HECW2: variants seen among roughly 807,000 people sequenced by gnomAD.
The protein encoded by HECW2 is HECT, C2 and WW domain containing E3 ubiquitin protein ligase 2, also known as E3 ubiquitin-protein ligase HECW2.
Under a neutral mutation model 175.2 loss-of-function variants are expected in HECW2, and 61 were observed. The observed-to-expected ratio is 0.35, with a 90% CI of 0.28 to 0.43. HECW2 has a LOEUF of 0.43. HECW2 is among the 20% of genes least tolerant of loss of function. HECW2 has a pLI of 1.00. For synonymous variants in HECW2, 671 were observed against 731.0 expected, an observed-to-expected ratio of 0.92 and a Z score of 1.32; for missense variants, 1,524 against 2,000.5, an observed-to-expected ratio of 0.76 and a Z score of 4.54.
At chr2:196,362,290 G>T (rs553701097) in intron 2 of HECW2, 1 of 548,944 alleles carries the variant, frequency 1.8e-6, no homozygotes, top group African/African-American at 2.1e-5. Context: ...GCTTTTCCAT[G>T]GGAGAATTCC....
At chr2:196,488,885 C>G (rs142277076) in intron 1 of HECW2, among the ~76,000 whole-genome samples, 49 of 152,174 alleles carry the variant, frequency 3.2e-4, no homozygotes, top group African/African-American at 1.1e-3. Flanking sequence ...AACTCAGTGC[C>G]TACACATAAG....
intron 1 of HECW2, among the ~76,000 whole-genome samples, chr2:196,471,291 G>T (rs575403208): frequency 6.6e-6 from 1 of 152,092 alleles, no homozygotes; most frequent in Non-Finnish European, 1.5e-5. Flanking sequence ...AGTCAGAATG[G>T]CTATTATTAA....
intron 1 of HECW2, among the ~76,000 whole-genome samples, chr2:196,577,490 A>T (rs1223282391): frequency 6.6e-6 from 1 of 152,192 alleles, no homozygotes; most frequent in East Asian, 1.9e-4. Flanking sequence ...AAAAAATTTA[A>T]AAGAAAGATC....
intron 19 of HECW2, among the ~76,000 whole-genome samples, chr2:196,251,924 C>T (rs1004293239): frequency 2.6e-5 from 4 of 152,022 alleles, no homozygotes; most frequent in South Asian, 4.1e-4. Context: ...GCTGGCTGGG[C>T]GTGGCAACTC....
intron 1 of HECW2, among the ~76,000 whole-genome samples, chr2:196,571,584 C>T (rs1023293060): frequency 6.6e-6 from 1 of 152,066 alleles, no homozygotes; most frequent in Admixed American, 6.6e-5. Context: ...TGACAGTTAC[C>T]TGTAATCCCA....
At chr2:196,213,103 A>T (rs973669322) in intron 28 of HECW2, among the ~76,000 whole-genome samples, 6 of 152,222 alleles carry the variant, frequency 3.9e-5, no homozygotes, top group Non-Finnish European at 7.4e-5. Context: ...TTTACACCTA[A>T]GTAATGCCCC....
intron 2 of HECW2, among the ~76,000 whole-genome samples, chr2:196,414,972 G>A (rs1398520153): frequency 6.6e-6 from 1 of 152,112 alleles, no homozygotes; most frequent in East Asian, 1.9e-4. Flanking sequence ...CTGACTTAAG[G>A]TAGAGGGAAG....
chr2:196,410,984 T>TAGAG, intron 2 of HECW2, among the ~76,000 whole-genome samples: 3 of 152,086 alleles, frequency 2.0e-5, no homozygotes, highest in Admixed American at 2.0e-4. Context: ...ATGGCTCAGC[T>TAGAG]AGAGACAGGA....
At chr2:196,476,211 A>C (rs1009039401) in intron 1 of HECW2, among the ~76,000 whole-genome samples, 1 of 152,072 alleles carries the variant, frequency 6.6e-6, no homozygotes, top group Non-Finnish European at 1.5e-5. Context: ...TGGGAGGCCT[A>C]GGTGGGCAGA....
chr2:196,387,710 A>G (rs1402538272), intron 2 of HECW2, among the ~76,000 whole-genome samples: 1 of 152,174 alleles, frequency 6.6e-6, no homozygotes, highest in Non-Finnish European at 1.5e-5. Flanking sequence ...AGAGATATAT[A>G]TATCTCCAGG....
At chr2:196,416,613 G>A (rs1695262509) in intron 2 of HECW2, among the ~76,000 whole-genome samples, 5 of 152,180 alleles carry the variant, frequency 3.3e-5, no homozygotes, top group Admixed American at 1.3e-4. Flanking sequence ...AGCCTACTGG[G>A]TGCAAGAGAG....
intron 2 of HECW2, among the ~76,000 whole-genome samples, chr2:196,431,725 A>G (rs1234173299): frequency 6.6e-6 from 1 of 152,190 alleles, no homozygotes; most frequent in Admixed American, 6.5e-5. Flanking sequence ...CCTCAATTTG[A>G]TTATATTTTA....
chr2:196,400,499 G>A (rs374754795), intron 2 of HECW2, among the ~76,000 whole-genome samples: 10 of 152,128 alleles, frequency 6.6e-5, no homozygotes, highest in South Asian at 2.1e-4. Context: ...TCAGAAGCAC[G>A]GGATACTTGA....
At chr2:196,257,675 G>C (rs1278210422) in intron 18 of HECW2, 148 bp downstream of exon 18, 4 of 609,116 alleles carry the variant, frequency 6.6e-6, no homozygotes, top group Non-Finnish European at 1.2e-5. Context: ...CACTCAATCA[G>C]CACCCTAAAT....
intron 2 of HECW2, among the ~76,000 whole-genome samples, chr2:196,408,264 T>C (rs1188352529): frequency 6.6e-6 from 1 of 152,206 alleles, no homozygotes; most frequent in Non-Finnish European, 1.5e-5. Flanking sequence ...GTTATAATGG[T>C]ATAATGGAAA....
intron 1 of HECW2, among the ~76,000 whole-genome samples, chr2:196,521,840 C>T (rs1320242062): frequency 6.7e-6 from 1 of 149,602 alleles, no homozygotes; most frequent in Non-Finnish European, 1.5e-5. Flanking sequence ...GCATAGTATT[C>T]CATGGTGTAT....
At chr2:196,398,990 A>G (rs1342509703) in intron 2 of HECW2, among the ~76,000 whole-genome samples, 1 of 152,170 alleles carries the variant, frequency 6.6e-6, no homozygotes, top group Non-Finnish European at 1.5e-5. Flanking sequence ...TTTAAAAACA[A>G]AAAATAGAGA....
Position 196,590,404 on chromosome 2 carries a change from G to A in HECW2, c.-36+3104C>T, listed in dbSNP as rs138259947. 4.7e-3 allele frequency among the ~76,000 whole-genome samples: 723 copies of A among 152,288 alleles called. 3 individuals are homozygous for A. The highest frequency in any genetic ancestry group is 0.016 in the African/African-American group (678 of 41,558). On this transcript the variant is annotated intron_variant, in intron 1 of 28. Coordinates refer to ENST00000644978, the MANE Select transcript of HECW2 (RefSeq NM_001348768.2). ...GCCAGGCCTGGCTTTTGATAACAGA[G>A]CTGGAAAGGTTTTCACCCAATGCTG...
chr2:196,496,581 C>G (rs1687402788), intron 1 of HECW2, among the ~76,000 whole-genome samples: 1 of 152,112 alleles, frequency 6.6e-6, no homozygotes, highest in South Asian at 2.1e-4. Flanking sequence ...CCCTTTTTCA[C>G]TCTTCATTTG....
Sources: allele counts gnomAD v4.1 joint callset (sites outside exome capture counted in the v4.1 genomes callset), GRCh38; gene constraint gnomAD v4.1.1; transcripts MANE v1.5; gene names NCBI Gene and HGNC (gene_info 2026-07-23, HGNC 2026-07-21).